Variants in NTSR1 observed in about 807,000 individuals in gnomAD.
NTSR1 encodes neurotensin receptor type 1.
Under a neutral mutation model 31.2 loss-of-function variants are expected in NTSR1, and 29 were observed. The observed-to-expected ratio is 0.93, with a 90% CI of 0.69 to 1.27. The LOEUF is 1.27. NTSR1 is among the 50% of genes most tolerant of loss of function. The pLI is 0.00. For missense variants in NTSR1, 697 were observed against 595.4 expected, an observed-to-expected ratio of 1.17 and a Z score of -1.78; for synonymous variants, 282 against 269.9, an observed-to-expected ratio of 1.04 and a Z score of -0.44.
chr20:62,737,548 G>A (rs953879835), intron 1 of NTSR1, among the ~76,000 whole-genome samples: 3 of 152,226 alleles, frequency 2.0e-5, no homozygotes, highest in Non-Finnish European at 4.4e-5. Flanking sequence ...CAGCATCCAC[G>A]CCTGCACTTA....
intron 2 of NTSR1, among the ~76,000 whole-genome samples, chr20:62,755,559 G>C (rs111220256): frequency 0.39 from 15 of 38 alleles, 7 homozygotes; most frequent in African/African-American, 0.5. Context: ...CCCTCCCTCC[G>C]TCCATCCCTC....
intron 1 of NTSR1, 92 bp downstream of exon 1, chr20:62,710,013 T>G: frequency 1.9e-6 from 2 of 1,072,238 alleles, no homozygotes; most frequent in Non-Finnish European, 2.7e-6. Context: ...GTGGGAGAGA[T>G]GTCACAGAGA....
chr20:62,747,342 C>T (rs1228395605), intron 1 of NTSR1, among the ~76,000 whole-genome samples: 1 of 126,076 alleles, frequency 7.9e-6, no homozygotes, highest in Non-Finnish European at 1.7e-5. Context: ...GTGTAAAGGC[C>T]ACGTATGACA....
intron 1 of NTSR1, among the ~76,000 whole-genome samples, chr20:62,747,860 C>G (rs148133288): frequency 0.018 from 2,721 of 152,272 alleles, 81 homozygotes; most frequent in African/African-American, 0.061. Context: ...TTTCTATACA[C>G]TAGCAATGAA....
rs1218183851 is a variant in NTSR1, at chr20:62,732,968, G to A, written c.715-21717G>A. On this transcript the variant is annotated intron_variant, in intron 1 of 3. Transcript: ENST00000370501. The surrounding 1 kb of genome is among the most constrained non-coding windows in gnomAD (Gnocchi z 4.0). ...ACCAACGGCGCTGACGTCGCCTAAA[G>A]GGGGTTCCCAGCTGGCAGCCTCCAG... The A allele has an allele frequency of 6.6e-6, 1 of 152,038 alleles. No homozygotes were observed. Among genetic ancestry groups the A allele is most frequent in the African/African-American group, 2.4e-5 (1 of 41,390 alleles). 9.4% of individuals were successfully genotyped at this position (152,038 alleles called of 1,614,324 possible). A position where few individuals can be genotyped will look rare whatever the true frequency, so the allele number is the denominator to read the frequency against.
In NTSR1 at chr20:62,755,122, CTCCA is replaced by C. The variant is rs567256446; in HGVS notation, c.916+244_916+247del. 1.7e-3 allele frequency among the ~76,000 whole-genome samples: 212 copies of C among 123,210 alleles called. 1 individual carries two copies. Among genetic ancestry groups the C allele is most frequent in the African/African-American group, 5.4e-3 (154 of 28,268 alleles). The allele number at this position is 123,210 out of a possible 152,430, so 80.8% of individuals were successfully genotyped here. ...CATCCATCCATCCTTCCCTCCCTCC[CTCCA>C]TCCATCCTTCCTTCCCTCCATCCAT... On this transcript the variant is annotated intron_variant, in intron 2 of 3. Coordinates refer to ENST00000370501, the MANE Select transcript of NTSR1 (RefSeq NM_002531.3).
chr20:62,742,314 A>G lies in NTSR1; in HGVS notation c.715-12371A>G, dbSNP rs1989219457. Among the ~76,000 whole-genome samples, 1 of 149,340 alleles carries G rather than the reference A, an allele frequency of 6.7e-6. No individual in the cohort carries two copies. Among genetic ancestry groups the G allele is most frequent in the Admixed American group, 6.7e-5 (1 of 14,884 alleles). On this transcript the variant is annotated intron_variant, in intron 1 of 3. Coordinates refer to ENST00000370501, the MANE Select transcript of NTSR1 (RefSeq NM_002531.3). The surrounding 1 kb of genome is among the most constrained non-coding windows in gnomAD (Gnocchi z 7.1). ...GGAGGTGGTGTGTGGGCTCCTCCTC[A>G]GGCCAGGTCTGTGGTCACTGCTGAC...
In NTSR1 at chr20:62,758,279, C is replaced by T. The variant is rs765205667; in HGVS notation, c.930C>T (p.Ile310=). The T allele has an allele frequency of 6.2e-6, 10 of 1,613,448 alleles. No individual in the cohort carries two copies. Among genetic ancestry groups the T allele is most frequent in the East Asian group, 4.5e-5 (2 of 44,902 alleles). Residue 310 remains isoleucine (I), a synonymous_variant, in exon 3 of 4, where the codon ATC becomes ATT. Coordinates refer to ENST00000370501, the MANE Select transcript of NTSR1 (RefSeq NM_002531.3). This position sits in a 1 kb window ranked among gnomAD's most constrained non-coding sequence, Gnocchi z 4.5. ...HGVRVLRAVV[I]AFVVCWLPYH... is the part of the protein sequence containing the mutation. ...TCTGTGCCTCAGGTGCAGTGGTCAT[C>T]GCCTTTGTGGTCTGCTGGCTGCCCT...
chr20:62,759,322 C>G (rs1989568838), intron 3 of NTSR1, among the ~76,000 whole-genome samples: 1 of 152,124 alleles, frequency 6.6e-6, no homozygotes, highest in South Asian at 2.1e-4. Flanking sequence ...AGGTGTGTGG[C>G]TGCTGGGGAG....
chr20:62,747,993 T>C (rs1206693861), intron 1 of NTSR1, among the ~76,000 whole-genome samples: 2 of 152,138 alleles, frequency 1.3e-5, no homozygotes, highest in Non-Finnish European at 2.9e-5. Flanking sequence ...CTGGCCAACA[T>C]GGCAAAGCCC....
chr20:62,736,946 A>C (rs991892201), intron 1 of NTSR1, among the ~76,000 whole-genome samples: 54 of 152,178 alleles, frequency 3.5e-4, no homozygotes, highest in African/African-American at 1.3e-3. Context: ...CCCTGCTGTC[A>C]CTCACACCGT....
chr20:62,744,758 GC>G lies in NTSR1; in HGVS notation c.715-9924del, dbSNP rs1989269005. On this transcript the variant is annotated intron_variant, in intron 1 of 3. Coordinates refer to ENST00000370501, the MANE Select transcript of NTSR1 (RefSeq NM_002531.3). The surrounding 1 kb of genome is among the most constrained non-coding windows in gnomAD (Gnocchi z 4.1). ...AAAAAAAGAGAGAAATGAGCCTGAG[GC>G]CCAGGAGGACCTGCCGAGCTCACAG... Among the ~76,000 whole-genome samples the G allele has an allele frequency of 6.6e-6, 1 of 152,010 alleles. No homozygotes were observed. Among genetic ancestry groups the G allele is most frequent in the African/African-American group, 2.4e-5 (1 of 41,372 alleles).
chr20:62,735,540 T>C (rs372606380), intron 1 of NTSR1, among the ~76,000 whole-genome samples: 20 of 152,232 alleles, frequency 1.3e-4, no homozygotes, highest in African/African-American at 4.8e-4. Context: ...ATTATGTCTT[T>C]GTGACAAACA....
chr20:62,712,760 C>T (rs988768424), intron 1 of NTSR1, among the ~76,000 whole-genome samples: 1 of 152,236 alleles, frequency 6.6e-6, no homozygotes, highest in Non-Finnish European at 1.5e-5. Flanking sequence ...TGGCCCCACA[C>T]GGGCAGATGG....
intron 1 of NTSR1, among the ~76,000 whole-genome samples, chr20:62,753,962 T>C (rs922246806): frequency 2.0e-5 from 3 of 152,190 alleles, no homozygotes; most frequent in African/African-American, 7.2e-5. Context: ...GGGACTCAGC[T>C]CAGGCCAGGC....
rs1989217142 is a variant in NTSR1, at chr20:62,742,161, G to A, written c.715-12524G>A. On this transcript the variant is annotated intron_variant, in intron 1 of 3. Coordinates refer to ENST00000370501, the MANE Select transcript of NTSR1 (RefSeq NM_002531.3). This position sits in a 1 kb window ranked among gnomAD's most constrained non-coding sequence, Gnocchi z 7.1. Reference sequence around the variant, plus strand: ...GGGCCAAGTACTAGCCAGAAGCTGCGCCGTCCATTTCATCCCCTCCCCACA... The same window carrying A: ...GGGCCAAGTACTAGCCAGAAGCTGCACCGTCCATTTCATCCCCTCCCCACA... Among the ~76,000 whole-genome samples the A allele has an allele frequency of 2.7e-5, 4 of 149,658 alleles. 1 individual carries two copies. In the South Asian group the frequency reaches 6.3e-4, roughly 24 times the overall value.
chr20:62,726,986 G>A (rs751616877), intron 1 of NTSR1, among the ~76,000 whole-genome samples: 3 of 152,222 alleles, frequency 2.0e-5, no homozygotes, highest in Admixed American at 6.5e-5. Context: ...GTGGACAACC[G>A]TGGCCTTGGA....
At position 62,711,506 on chromosome 20, in the gene NTSR1, G is replaced by T. The variant is rs1188549664; in HGVS notation, c.714+1585G>T. Among the ~76,000 whole-genome samples, 2 of 151,966 alleles carry T rather than the reference G, an allele frequency of 1.3e-5. No individual in the cohort carries two copies. Among genetic ancestry groups the T allele is most frequent in the African/African-American group, 4.8e-5 (2 of 41,354 alleles). ...GAAGGTGGGCAGTGGAGGGGTCAGC[G>T]CTGTCACTGCCCACCCAGGAGATGC... On this transcript the variant is annotated intron_variant, in intron 1 of 3. Transcript: ENST00000370501. The surrounding 1 kb of genome is among the most constrained non-coding windows in gnomAD (Gnocchi z 6.4).
In NTSR1 at chr20:62,714,935, C is replaced by A. The variant is rs1988685168; in HGVS notation, c.714+5014C>A. Among the ~76,000 whole-genome samples, 1 of 152,158 alleles carries A rather than the reference C, an allele frequency of 6.6e-6. No individual in the cohort carries two copies. Among genetic ancestry groups the A allele is most frequent in the Non-Finnish European group, 1.5e-5 (1 of 68,038 alleles). On this transcript the variant is annotated intron_variant, in intron 1 of 3. Coordinates refer to ENST00000370501, the MANE Select transcript of NTSR1 (RefSeq NM_002531.3). This position sits in a 1 kb window ranked among gnomAD's most constrained non-coding sequence, Gnocchi z 4.1. ...TTGTGGGTATGGTTTTCAAAATGGT[C>A]CTGCTCTCTTAGAGGTACATGCGGA...
Sources: allele counts gnomAD v4.1 joint callset (sites outside exome capture counted in the v4.1 genomes callset), GRCh38; gene constraint gnomAD v4.1.1; non-coding constraint Gnocchi (gnomAD v3.1); transcripts MANE v1.5; gene names NCBI Gene and HGNC (gene_info 2026-07-23, HGNC 2026-07-21).